SRRT: variants seen among roughly 807,000 people sequenced by gnomAD.
SRRT encodes serrate, RNA effector molecule.
Under a neutral mutation model 103.2 loss-of-function variants are expected in SRRT, and 32 were observed. The observed-to-expected ratio is 0.31, with a 90% CI of 0.23 to 0.42. SRRT has a LOEUF of 0.42. Ranked by LOEUF, SRRT falls within the 10% of genes least tolerant of loss-of-function variation. The probability of loss-of-function intolerance (pLI) is 1.00; values close to 1 mark genes in which losing one functional copy is unlikely to be tolerated. For synonymous variants in SRRT, 525 were observed against 449.0 expected, an observed-to-expected ratio of 1.17 and a Z score of -2.14; for missense variants, 986 against 1,207.5, an observed-to-expected ratio of 0.82 and a Z score of 2.72.
Position 100,885,188 on chromosome 7 carries a change from C to T in SRRT, c.1160-25C>T. The stretch of plus-strand genomic sequence containing the variant: ...AATCAGTAATAAAAATGCACCAACT[C>T]CTTCCTACCCCCCTTCCTGCCTAGA... On this transcript the variant is annotated intron_variant, in intron 9 of 19. Transcript: ENST00000611405. This position sits in a 1 kb window ranked among gnomAD's most constrained non-coding sequence, Gnocchi z 4.8. 3 of 1,609,286 alleles carry T rather than the reference C, an allele frequency of 1.9e-6. No homozygotes were observed. The highest frequency in any genetic ancestry group is 4.5e-5 in the East Asian group (2 of 44,786).
intron 3 of SRRT, 67 bp from the exon 4 acceptor site, chr7:100,881,592 G>T: frequency 6.2e-7 from 1 of 1,604,922 alleles, no homozygotes. Context: ...ACCCCCGTCT[G>T]TCCATCCTCC....
rs957771950 is a variant in SRRT at position 100,882,444 on chromosome 7, C to T, written c.587+203C>T. On this transcript the variant is annotated intron_variant, in intron 5 of 19. Transcript: ENST00000611405. This position sits in a 1 kb window ranked among gnomAD's most constrained non-coding sequence, Gnocchi z 4.2. Reference sequence around the variant, plus strand: ...GCCCCCGCCCCGCCCTGTCTCCTGTCCTGCTGTCCTCAGAGAGTGGGACAC... The same window carrying T: ...GCCCCCGCCCCGCCCTGTCTCCTGTTCTGCTGTCCTCAGAGAGTGGGACAC... 9 of 557,808 alleles carry T rather than the reference C, an allele frequency of 1.6e-5. No individual in the cohort carries two copies. The Admixed American group carries it at 1.7e-4, about 10-fold the overall frequency. 34.6% of individuals were successfully genotyped at this position (557,808 alleles called of 1,614,324 possible).
intron 13 of SRRT, 27 bp downstream of exon 13, chr7:100,886,462 C>T (rs1446669624): frequency 6.3e-7 from 1 of 1,590,916 alleles, no homozygotes; most frequent in East Asian, 2.3e-5. Flanking sequence ...AGGACTTTGT[C>T]AGAAGCAACT....
At position 100,882,049 on chromosome 7, in the gene SRRT, C is replaced by G. The variant is rs1789629045; in HGVS notation, c.399-4C>G. The G allele has an allele frequency of 6.2e-7, 1 of 1,611,626 alleles. No individual in the cohort carries two copies. Among genetic ancestry groups the G allele is most frequent in the African/African-American group, 1.3e-5 (1 of 74,812 alleles). ...CAAGCCTTCCTGACCGGGGTCCCCT[C>G]CAGGCTGGGCAGCATTGCAGAGATT... On this transcript the variant is annotated splice_region_variant and splice_polypyrimidine_tract_variant and intron_variant, in intron 4 of 19. Coordinates refer to ENST00000611405, the MANE Select transcript of SRRT (RefSeq NM_015908.6). This position sits in a 1 kb window ranked among gnomAD's most constrained non-coding sequence, Gnocchi z 4.2.
At position 100,887,741 on chromosome 7, in the gene SRRT, T is replaced by G. The variant is rs1487276171; in HGVS notation, c.2208T>G (p.His736Gln). Residue 736 changes from histidine to glutamine, a missense_variant, in exon 17 of 20, where the codon CAT (histidine) becomes CAG (glutamine). By Grantham distance (24) the His-to-Gln change is conservative. Coordinates refer to ENST00000611405, the MANE Select transcript of SRRT (RefSeq NM_015908.6). The surrounding 1 kb of genome is among the most constrained non-coding windows in gnomAD (Gnocchi z 4.1). ...TGCGCAAACATATCTTCAACAAGCATGCAGAGAAAATTGAGGAAGTGAAAA... is the reference window on the plus strand; with the variant it reads ...TGCGCAAACATATCTTCAACAAGCAGGCAGAGAAAATTGAGGAAGTGAAAA... Reference protein sequence around the residue: ...EFVRKHIFNKHAEKIEEVKKE... With the variant: ...EFVRKHIFNKQAEKIEEVKKE... 1 of 1,613,496 alleles carries G rather than the reference T, an allele frequency of 6.2e-7. No individual in the cohort carries two copies. The highest frequency in any genetic ancestry group is 2.2e-5 in the East Asian group (1 of 44,848).
intron 17 of SRRT, 41 bp from the exon 18 acceptor site, chr7:100,888,001 C>T (rs1174543525): frequency 1.3e-6 from 2 of 1,524,258 alleles, no homozygotes; most frequent in Non-Finnish European, 1.8e-6. Flanking sequence ...CCCGTATCCC[C>T]CTCCCCGCCC....
Position 100,884,934 on chromosome 7 carries a change from G to T in SRRT, c.1053G>T (p.Lys351Asn). The T allele has an allele frequency of 6.2e-7, 1 of 1,614,070 alleles. No individual in the cohort carries two copies. The highest frequency in any genetic ancestry group is 8.5e-7 in the Non-Finnish European group (1 of 1,179,984). ...TGTGGCTCACACAGAGTAGCAAGAA[G>T]CGGAACCGGAAGCACAGTGGTGACG... ...SEKEAKKSSK[K>N]RNRKHSGDDS... The change falls in exon 9 of 20, where the codon AAG becomes AAT. Residue 351 changes from lysine (K) to asparagine (N), a missense_variant. This residue lies in a region of SRRT where 166 missense variants were observed against 148.6 expected (regional missense o/e 1.12). Coordinates refer to ENST00000611405, the MANE Select transcript of SRRT (RefSeq NM_015908.6).
At chr7:100,883,402 T>A (rs1371483577) in intron 5 of SRRT, among the ~76,000 whole-genome samples, 1 of 152,204 alleles carries the variant, frequency 6.6e-6, no homozygotes, top group South Asian at 2.1e-4. Context: ...GTTTTCCCTC[T>A]GAGGTCCTAT....
intron 3 of SRRT, 58 bp downstream of exon 3, chr7:100,881,471 C>T: frequency 6.3e-7 from 1 of 1,591,216 alleles, no homozygotes; most frequent in Non-Finnish European, 8.6e-7. Flanking sequence ...TGGGCCTCCC[C>T]TTTCTCCCCT....
intron 2 of SRRT, chr7:100,880,897 CTTTGT>C (rs925751450): frequency 1.6e-5 from 4 of 256,930 alleles, no homozygotes; most frequent in Non-Finnish European, 2.4e-5. Context: ...AGACAAGAAT[CTTTGT>C]TTTGTTTTGT....
chr7:100,886,807 C>CA lies in SRRT; in HGVS notation c.1664dup (p.Asn555LysfsTer32). 1 of 1,614,174 alleles carries CA rather than the reference C, an allele frequency of 6.2e-7. No individual in the cohort carries two copies. Among genetic ancestry groups the CA allele is most frequent in the Non-Finnish European group, 8.5e-7 (1 of 1,180,028 alleles). ...TTCCTCCCATCAGAGCCTGCCCTCG[C>CA]AAAACCCGATCTTGAAGAATATCAC... On this transcript the variant is annotated frameshift_variant, in exon 14 of 20. Coordinates refer to ENST00000611405, the MANE Select transcript of SRRT (RefSeq NM_015908.6). LOFTEE classifies it high-confidence loss of function.
Position 100,875,228 on chromosome 7 carries a change from C to G in SRRT, c.-119C>G, listed in dbSNP as rs1469955088. 1.3e-5 allele frequency: 4 copies of G among 304,042 alleles called. No individual in the cohort carries two copies. The highest frequency in any genetic ancestry group is 6.8e-5 in the African/African-American group (3 of 44,292). 18.8% of individuals were successfully genotyped at this position (304,042 alleles called of 1,614,324 possible). ...GCCCTCTACTCAAGAGCTCCGTCTCCGTCTCGCCCTCCTCGAAGTCCTCGT... is the reference window on the plus strand; with the variant it reads ...GCCCTCTACTCAAGAGCTCCGTCTCGGTCTCGCCCTCCTCGAAGTCCTCGT... On this transcript the variant is annotated 5_prime_UTR_variant, in exon 1 of 20. Coordinates refer to ENST00000611405, the MANE Select transcript of SRRT (RefSeq NM_015908.6).
Position 100,887,256 on chromosome 7 carries a change from C to T in SRRT, c.1975+56C>T. On this transcript the variant is annotated intron_variant, in intron 15 of 19. Transcript: ENST00000611405. The surrounding 1 kb of genome is among the most constrained non-coding windows in gnomAD (Gnocchi z 4.1). ...TGCCCCTGGCCTTGGTCCTCCAGCC[C>T]CTTGCCACCATCCTTCCTTCTGGCT... 1 of 1,611,258 alleles carries T rather than the reference C, an allele frequency of 6.2e-7. No individual in the cohort carries two copies. The highest frequency in any genetic ancestry group is 1.3e-5 in the African/African-American group (1 of 75,002).
intron 12 of SRRT, 80 bp downstream of exon 12, chr7:100,886,021 C>G (rs1171268196): frequency 6.6e-6 from 10 of 1,518,544 alleles, no homozygotes; most frequent in Non-Finnish European, 7.3e-6. Flanking sequence ...CTTTGTTCAT[C>G]TGATAGTTTG....
At position 100,887,774 on chromosome 7, in the gene SRRT, C is replaced by A. The variant is rs371033958; in HGVS notation, c.2241C>A (p.Val747=). Reference sequence around the variant, plus strand: ...AAATTGAGGAAGTGAAAAAGGAAGTCGCGTTTTTTAACAACTTCCTCACTG... The same window carrying A: ...AAATTGAGGAAGTGAAAAAGGAAGTAGCGTTTTTTAACAACTTCCTCACTG... ...AEKIEEVKKE[V]AFFNNFLTDA... is the part of the protein sequence containing the mutation. The change falls in exon 17 of 20, where the codon GTC becomes GTA. Residue 747 remains valine, a synonymous_variant. Coordinates refer to ENST00000611405, the MANE Select transcript of SRRT (RefSeq NM_015908.6). The surrounding 1 kb of genome is among the most constrained non-coding windows in gnomAD (Gnocchi z 4.1). The A allele has an allele frequency of 1.2e-6, 2 of 1,613,626 alleles. No individual in the cohort carries two copies. Among genetic ancestry groups the A allele is most frequent in the South Asian group, 1.1e-5 (1 of 91,056 alleles).
In SRRT at chr7:100,882,397, C is replaced by A; in HGVS notation, c.587+156C>A. On this transcript the variant is annotated intron_variant, in intron 5 of 19. Transcript: ENST00000611405. This position sits in a 1 kb window ranked among gnomAD's most constrained non-coding sequence, Gnocchi z 4.2. Reference sequence around the variant, plus strand: ...ACAGCATTGGCTGATGGGGTCTCCCCCTCACTTCAGCAACTGCCACGGCCC... The same window carrying A: ...ACAGCATTGGCTGATGGGGTCTCCCACTCACTTCAGCAACTGCCACGGCCC... 1.2e-6 allele frequency: 1 copy of A among 802,224 alleles called. No individual in the cohort carries two copies. Among genetic ancestry groups the A allele is most frequent in the Non-Finnish European group, 1.9e-6 (1 of 521,184 alleles). 49.7% of individuals were successfully genotyped at this position (802,224 alleles called of 1,614,324 possible). A position where few individuals can be genotyped will look rare whatever the true frequency, so the allele number is the denominator to read the frequency against.
At chr7:100,875,776 T>G in intron 2 of SRRT, 64 bp downstream of exon 2, 4 of 1,596,084 alleles carry the variant, frequency 2.5e-6, no homozygotes, top group Non-Finnish European at 3.4e-6. Flanking sequence ...CGCGTCGCTT[T>G]TCTTTCTCCC....
chr7:100,876,116 C>T (rs1020452655), intron 2 of SRRT, among the ~76,000 whole-genome samples: 2 of 152,122 alleles, frequency 1.3e-5, no homozygotes, highest in African/African-American at 4.8e-5. Context: ...AGCTGGGACT[C>T]CAGGGGGAGG....
At position 100,887,887 on chromosome 7, in the gene SRRT, G is replaced by A. The variant is rs1790295547; in HGVS notation, c.2326+28G>A. 1 of 1,587,924 alleles carries A rather than the reference G, an allele frequency of 6.3e-7. No homozygotes were observed. The highest frequency in any genetic ancestry group is 1.7e-5 in the Admixed American group (1 of 57,936). On this transcript the variant is annotated intron_variant, in intron 17 of 19. Transcript: ENST00000611405. This position sits in a 1 kb window ranked among gnomAD's most constrained non-coding sequence, Gnocchi z 4.1. ...AAGATACGATCCATGAAGGTCGCAT[G>A]TGCCCTCTTCCTTGACTACCCAGGG...
Sources: allele counts gnomAD v4.1 joint callset (sites outside exome capture counted in the v4.1 genomes callset), GRCh38; gene constraint gnomAD v4.1.1; regional missense constraint gnomAD v4.1.1; non-coding constraint Gnocchi (gnomAD v3.1); transcripts MANE v1.5; gene names NCBI Gene and HGNC (gene_info 2026-07-23, HGNC 2026-07-21).